Variants in UNC45B observed in about 807,000 individuals in gnomAD.
The protein encoded by UNC45B is unc-45 myosin chaperone B.
UNC45B carries 78 observed loss-of-function variants against 98.7 expected under a neutral mutation model. The ratio of observed to expected loss-of-function variants is 0.79; its 90% confidence interval spans 0.66 to 0.95. UNC45B has a LOEUF of 0.95. Among genes scored for constraint, UNC45B ranks in the 40% least tolerant of loss-of-function variants. UNC45B has a pLI of 0.00. For missense variants in UNC45B, 1,225 were observed against 1,184.9 expected (o/e 1.03, Z -0.50); for synonymous variants, 462 against 480.4 (o/e 0.96, Z 0.50).
At chr17:35,154,860 GC>G in intron 6 of UNC45B, 119 bp downstream of exon 6, 1 of 1,136,958 alleles carries the variant, frequency 8.8e-7, no homozygotes. Context: ...GTCAAAGGGT[GC>G]TCCAGTCTCT....
At chr17:35,155,512 G>C (rs748435230) in intron 7 of UNC45B, 48 bp downstream of exon 7, 1 of 1,589,894 alleles carries the variant, frequency 6.3e-7, no homozygotes, top group South Asian at 1.1e-5. Flanking sequence ...GGAAAGAAAA[G>C]GTCAGTTGCT....
In UNC45B at chr17:35,170,103, C is replaced by T. The variant is rs553036737; in HGVS notation, c.1548-11C>T. 1.9e-4 allele frequency: 307 copies of T among 1,605,824 alleles called. 5 individuals carry two copies. The South Asian group carries it at 3.2e-3, about 17-fold the overall frequency. The stretch of plus-strand genomic sequence containing the variant: ...GGCCCCTTCCCATGTGTGCTCCCTC[C>T]TCACTTCCAGGTGGCTGTGCAATAT... On this transcript the variant is annotated splice_polypyrimidine_tract_variant and intron_variant, in intron 11 of 19. Transcript: ENST00000394570.
At chr17:35,157,615 G>C (rs1426927145) in intron 7 of UNC45B, among the ~76,000 whole-genome samples, 1 of 152,122 alleles carries the variant, frequency 6.6e-6, no homozygotes, top group Non-Finnish European at 1.5e-5. Flanking sequence ...TTTCTGAGAG[G>C]CTGCATCAAT....
chr17:35,157,772 A>G (rs1415069423), intron 7 of UNC45B, among the ~76,000 whole-genome samples: 1 of 151,750 alleles, frequency 6.6e-6, no homozygotes, highest in Admixed American at 6.6e-5. Context: ...CAGATTGATC[A>G]TTTTTCTGTA....
chr17:35,185,547 C>T (rs1009561532), intron 19 of UNC45B, among the ~76,000 whole-genome samples: 1 of 152,000 alleles, frequency 6.6e-6, no homozygotes, highest in African/African-American at 2.4e-5. Flanking sequence ...ACCTCATGCT[C>T]CGCCTGCCTC....
At chr17:35,169,750 C>A in intron 10 of UNC45B, 87 bp from the exon 11 acceptor site, 1 of 1,178,588 alleles carries the variant, frequency 8.5e-7, no homozygotes, top group Non-Finnish European at 1.3e-6. Flanking sequence ...AGTGTTCTGG[C>A]CATAGAAACC....
At chr17:35,169,108 C>T (rs56205527) in intron 10 of UNC45B, among the ~76,000 whole-genome samples, 36,163 of 151,926 alleles carry the variant, frequency 0.24, 5,073 homozygotes, top group East Asian at 0.4. Flanking sequence ...CCCATGATCT[C>T]GGCTTACTGC....
In UNC45B at chr17:35,187,958, T is replaced by A. The variant is rs923852597; in HGVS notation, c.*1399T>A. 6.6e-6 allele frequency: 1 copy of A among 152,250 alleles called. No homozygotes were observed. The highest frequency in any genetic ancestry group is 1.5e-5 in the Non-Finnish European group (1 of 68,052). The allele number at this position is 152,250 out of a possible 1,614,324, so 9.4% of individuals were successfully genotyped here. ...TCCTTGATAAAAACAATTTACAACGTTCCGTTGTGTAATAAATGTAAGTGT... is the reference window on the plus strand; with the variant it reads ...TCCTTGATAAAAACAATTTACAACGATCCGTTGTGTAATAAATGTAAGTGT... On this transcript the variant is annotated 3_prime_UTR_variant, in exon 20 of 20. Transcript: ENST00000394570.
At chr17:35,152,822 T>A in intron 4 of UNC45B, 71 bp from the exon 5 acceptor site, 1 of 1,150,726 alleles carries the variant, frequency 8.7e-7, no homozygotes, top group South Asian at 1.2e-5. Flanking sequence ...TTTACTGAGA[T>A]GAACTGAATG....
Position 35,152,912 on chromosome 17 carries a change from C to G in UNC45B, c.401C>G (p.Thr134Arg). 6.2e-7 allele frequency: 1 copy of G among 1,614,156 alleles called. No homozygotes were observed. The part of the protein sequence containing the change: ...IQEKLRVQFS[T>R]DSRVQKMFEI... ...CCTCAGCTCCGAGTGCAGTTCTCCA[C>G]AGACTCGAGGGTACAGAAGATGTTT... The change falls in exon 5 of 20, where the codon ACA becomes AGA. Residue 134 changes from threonine (T) to arginine (R), a missense_variant. Transcript: ENST00000394570.
chr17:35,169,791 G>C (rs993694314), intron 10 of UNC45B, 46 bp from the exon 11 acceptor site: 9 of 1,556,202 alleles, frequency 5.8e-6, no homozygotes, highest in Non-Finnish European at 8.0e-6. Context: ...CCCAAGCCTT[G>C]GTGTCTCTGA....
chr17:35,177,616 T>G lies in UNC45B; in HGVS notation c.2255+6T>G, dbSNP rs1429785149. ...GGGCGGAGTGACAAACTCCGGTGAG[T>G]GTGGTGAGTGTGGCAGGGGTGGAGA... On this transcript the variant is annotated splice_donor_region_variant and intron_variant, in intron 17 of 19. Coordinates refer to ENST00000394570, the MANE Select transcript of UNC45B (RefSeq NM_001267052.2). 3.2e-6 allele frequency: 5 copies of G among 1,545,212 alleles called. No individual in the cohort carries two copies. The highest frequency in any genetic ancestry group is 4.4e-6 in the Non-Finnish European group (5 of 1,141,176).
intron 12 of UNC45B, 122 bp downstream of exon 12, chr17:35,170,377 T>C (rs894451885): frequency 8.3e-6 from 10 of 1,204,638 alleles, no homozygotes; most frequent in Non-Finnish European, 1.1e-5. Context: ...ATAAACATGA[T>C]TGGTTATTTC....
At chr17:35,155,548 G>C (rs1848142382) in intron 7 of UNC45B, 84 bp downstream of exon 7, 1 of 1,417,804 alleles carries the variant, frequency 7.1e-7, no homozygotes, top group African/African-American at 1.4e-5. Context: ...TTCCCTGTAT[G>C]TGGGGGTGGC....
rs1453935348 is a variant in UNC45B, at chr17:35,159,315, G to C, written c.809-60G>C. 4 of 1,470,940 alleles carry C rather than the reference G, an allele frequency of 2.7e-6. No individual in the cohort carries two copies. The East Asian group carries it at 9.2e-5, about 34-fold the overall frequency. The allele number at this position is 1,470,940 out of a possible 1,614,324, so 91.1% of individuals were successfully genotyped here. On this transcript the variant is annotated intron_variant, in intron 7 of 19. Coordinates refer to ENST00000394570, the MANE Select transcript of UNC45B (RefSeq NM_001267052.2). The stretch of plus-strand genomic sequence containing the variant: ...GAGTCTAGAAGCTGCTGCTCTTCTT[G>C]GTCATATATATGTGAGATTTCCTAC...
intron 7 of UNC45B, among the ~76,000 whole-genome samples, chr17:35,157,964 C>T (rs1160833839): frequency 1.3e-5 from 2 of 152,184 alleles, no homozygotes; most frequent in East Asian, 3.9e-4. Context: ...ACTGCAGCCT[C>T]AAACTTCTGG....
intron 7 of UNC45B, among the ~76,000 whole-genome samples, chr17:35,158,903 T>C (rs1373098362): frequency 6.6e-6 from 1 of 152,202 alleles, no homozygotes; most frequent in African/African-American, 2.4e-5. Flanking sequence ...ATTTGCCTTT[T>C]AAGATCTACC....
chr17:35,161,380 G>A (rs2092101293), intron 8 of UNC45B, among the ~76,000 whole-genome samples: 1 of 152,186 alleles, frequency 6.6e-6, no homozygotes, highest in Admixed American at 6.5e-5. Flanking sequence ...GTGAGCTTTT[G>A]GGTGAGAGAA....
At chr17:35,157,032 C>T (rs1381266001) in intron 7 of UNC45B, among the ~76,000 whole-genome samples, 1 of 152,140 alleles carries the variant, frequency 6.6e-6, no homozygotes, top group Admixed American at 6.6e-5. Context: ...GAAGATATTG[C>T]TCTGGCTGGG....
Sources: allele counts gnomAD v4.1 joint callset (sites outside exome capture counted in the v4.1 genomes callset), GRCh38; gene constraint gnomAD v4.1.1; transcripts MANE v1.5; gene names NCBI Gene and HGNC (gene_info 2026-07-23, HGNC 2026-07-21).